Variants in CYSTM1 observed in about 807,000 individuals in gnomAD.
CYSTM1 encodes cysteine rich transmembrane module containing 1.
CYSTM1 carries 4 observed loss-of-function variants against 13.1 expected under a neutral mutation model. The ratio of observed to expected loss-of-function variants is 0.31; its 90% CI spans 0.15 to 0.70. The LOEUF (loss-of-function observed/expected upper bound fraction) is 0.70. Among genes scored for constraint, CYSTM1 ranks in the 30% least tolerant of loss-of-function variants. CYSTM1 has a pLI of 0.72. For missense variants in CYSTM1, 96 were observed against 121.6 expected, an observed-to-expected ratio of 0.79 and a Z score of 0.99; for synonymous variants, 36 against 42.7, an observed-to-expected ratio of 0.84 and a Z score of 0.62.
chr5:140,230,401 C>T lies in CYSTM1; in HGVS notation c.188-12904C>T, dbSNP rs1764606274. Among the ~76,000 whole-genome samples, 1 of 152,134 alleles carries T rather than the reference C, an allele frequency of 6.6e-6. No homozygotes were observed. The highest frequency in any genetic ancestry group is 1.5e-5 in the Non-Finnish European group (1 of 68,038). ...TTCCAGCTCAAATCTGTCTCCCTGT[C>T]CTGGCTTTAAGGCAGTAATTTTATT... On this transcript the variant is annotated intron_variant, in intron 2 of 2. Coordinates refer to ENST00000261811, the MANE Select transcript of CYSTM1 (RefSeq NM_032412.4). The surrounding 1 kb of genome is among the most constrained non-coding windows in gnomAD (Gnocchi z 4.1).
At chr5:140,199,166 A>G (rs1329116985) in intron 2 of CYSTM1, among the ~76,000 whole-genome samples, 2 of 152,200 alleles carry the variant, frequency 1.3e-5, no homozygotes, top group Non-Finnish European at 2.9e-5. Flanking sequence ...ATAGTATTCC[A>G]TGGTGTATAT....
intron 2 of CYSTM1, chr5:140,200,472 T>C (rs1199167726): frequency 6.6e-6 from 1 of 151,966 alleles, no homozygotes; most frequent in Non-Finnish European, 1.5e-5. Context: ...TCTGTTCCAT[T>C]GGTCTATATA....
intron 1 of CYSTM1, among the ~76,000 whole-genome samples, chr5:140,179,664 C>CTTTTA (rs1763940033): frequency 1.7e-5 from 1 of 60,420 alleles, no homozygotes; most frequent in South Asian, 3.3e-4. Flanking sequence ...TTTTTTCTTT[C>CTTTTA]TTTTCTTTTC....
chr5:140,212,438 C>T (rs940194434), intron 2 of CYSTM1, among the ~76,000 whole-genome samples: 7 of 152,078 alleles, frequency 4.6e-5, no homozygotes, highest in East Asian at 1.9e-4. Flanking sequence ...CAATTATGTA[C>T]GGTACATAAT....
chr5:140,214,410 C>A (rs555414812), intron 2 of CYSTM1, among the ~76,000 whole-genome samples: 1 of 152,350 alleles, frequency 6.6e-6, no homozygotes, highest in East Asian at 1.9e-4. Context: ...GGAAAGACAA[C>A]TGCTCTTTGC....
intron 2 of CYSTM1, among the ~76,000 whole-genome samples, chr5:140,241,333 G>A (rs1764746086): frequency 6.6e-6 from 1 of 152,232 alleles, no homozygotes. Context: ...GAGACTGACT[G>A]ATGTCCTGAT....
chr5:140,186,340 G>T (rs962261035), intron 1 of CYSTM1, among the ~76,000 whole-genome samples: 1 of 152,198 alleles, frequency 6.6e-6, no homozygotes, highest in South Asian at 2.1e-4. Flanking sequence ...GGCTGTTTAT[G>T]AGCTGACCCT....
At position 140,239,485 on chromosome 5, in the gene CYSTM1, A is replaced by G. The variant is rs1764722408; in HGVS notation, c.188-3820A>G. Among the ~76,000 whole-genome samples the G allele has an allele frequency of 3.3e-5, 5 of 152,192 alleles. No homozygotes were observed. ...CACTGGTGGCCCTGGAGAAGACCCC[A>G]GGGCTTGTTGGACAGGCCTGGCATC... On this transcript the variant is annotated intron_variant, in intron 2 of 2. Coordinates refer to ENST00000261811, the MANE Select transcript of CYSTM1 (RefSeq NM_032412.4). The surrounding 1 kb of genome is among the most constrained non-coding windows in gnomAD (Gnocchi z 5.4).
At chr5:140,217,133 AT>A (rs969638412) in intron 2 of CYSTM1, among the ~76,000 whole-genome samples, 1 of 151,892 alleles carries the variant, frequency 6.6e-6, no homozygotes, top group African/African-American at 2.4e-5. Context: ...GAGCTTTTCC[AT>A]TTACCCTTGA....
chr5:140,238,821 G>A (rs987223188), intron 2 of CYSTM1, among the ~76,000 whole-genome samples: 5 of 152,196 alleles, frequency 3.3e-5, no homozygotes, highest in South Asian at 2.1e-4. Context: ...TCCTTCTGTC[G>A]GTCTAGATGC....
intron 1 of CYSTM1, among the ~76,000 whole-genome samples, chr5:140,178,195 G>A (rs1763915814): frequency 6.6e-6 from 1 of 152,106 alleles, no homozygotes; most frequent in Admixed American, 6.6e-5. Flanking sequence ...GCTCACATTT[G>A]TCAACTAAGG....
intron 2 of CYSTM1, among the ~76,000 whole-genome samples, chr5:140,207,760 T>G (rs558545021): frequency 6.6e-6 from 1 of 152,296 alleles, no homozygotes; most frequent in Admixed American, 6.5e-5. Flanking sequence ...CTGTGTGGCT[T>G]GGGAAATTCT....
intron 2 of CYSTM1, among the ~76,000 whole-genome samples, chr5:140,195,945 T>G (rs1764151520): frequency 6.6e-6 from 1 of 151,358 alleles, no homozygotes; most frequent in Non-Finnish European, 1.5e-5. Context: ...CTCAGGAGGC[T>G]GAGGCAGGAG....
intron 2 of CYSTM1, among the ~76,000 whole-genome samples, chr5:140,195,208 C>G (rs1764139838): frequency 6.6e-6 from 1 of 152,156 alleles, no homozygotes; most frequent in South Asian, 2.1e-4. Flanking sequence ...GAACAGTGAA[C>G]AGTTATGGAC....
intron 1 of CYSTM1, among the ~76,000 whole-genome samples, chr5:140,186,577 C>T (rs749674281): frequency 7.2e-5 from 11 of 152,296 alleles, no homozygotes; most frequent in East Asian, 3.9e-4. Flanking sequence ...GCTTACAGTA[C>T]GCTCTGCTTC....
At chr5:140,224,875 G>A (rs1372636817) in intron 2 of CYSTM1, among the ~76,000 whole-genome samples, 1 of 152,120 alleles carries the variant, frequency 6.6e-6, no homozygotes, top group East Asian at 1.9e-4. Context: ...ATCAGTCATC[G>A]TGGTTTCACT....
intron 1 of CYSTM1, among the ~76,000 whole-genome samples, chr5:140,190,725 G>A (rs982169163): frequency 2.0e-5 from 3 of 152,126 alleles, no homozygotes; most frequent in African/African-American, 4.8e-5. Context: ...TGCTAATCCC[G>A]TGACTCTGAG....
rs1764725468 is a variant in CYSTM1, at chr5:140,239,829, G to A, written c.188-3476G>A. Among the ~76,000 whole-genome samples, 1 of 152,234 alleles carries A rather than the reference G, an allele frequency of 6.6e-6. No homozygotes were observed. Among genetic ancestry groups the A allele is most frequent in the Non-Finnish European group, 1.5e-5 (1 of 68,038 alleles). On this transcript the variant is annotated intron_variant, in intron 2 of 2. Coordinates refer to ENST00000261811, the MANE Select transcript of CYSTM1 (RefSeq NM_032412.4). The surrounding 1 kb of genome is among the most constrained non-coding windows in gnomAD (Gnocchi z 5.4). Reference sequence around the variant, plus strand: ...GACTGCGGGCAAGAGAGGCAAGCCAGTGCAGGGTCCCCTGGACCTGACCCC... The same window carrying A: ...GACTGCGGGCAAGAGAGGCAAGCCAATGCAGGGTCCCCTGGACCTGACCCC...
At position 140,194,630 on chromosome 5, in the gene CYSTM1, T is replaced by C. The variant is rs747042773; in HGVS notation, c.165T>C (p.Pro55=). Residue 55 remains proline (P), a synonymous_variant, in exon 2 of 3, where the codon CCT becomes CCC. Transcript: ENST00000261811. Reference sequence around the variant, plus strand: ...CACAGTACGGCTGGCAGGGTGGACCTCAGGAGCCTCCTAAAACCACAGGTG... The same window carrying C: ...CACAGTACGGCTGGCAGGGTGGACCCCAGGAGCCTCCTAAAACCACAGGTG... The part of the protein sequence containing the change: ...GYPQYGWQGG[P]QEPPKTTVYV... 1 of 1,612,904 alleles carries C rather than the reference T, an allele frequency of 6.2e-7. No individual in the cohort carries two copies. The highest frequency in any genetic ancestry group is 1.1e-5 in the South Asian group (1 of 90,956).
Sources: allele counts gnomAD v4.1 joint callset (sites outside exome capture counted in the v4.1 genomes callset), GRCh38; gene constraint gnomAD v4.1.1; non-coding constraint Gnocchi (gnomAD v3.1); transcripts MANE v1.5; gene names NCBI Gene and HGNC (gene_info 2026-07-23, HGNC 2026-07-21).